The following RYR3 variants were observed in gnomAD, a reference collection of about 807,000 sequenced individuals.
The protein encoded by RYR3 is ryanodine receptor 3.
Under a neutral mutation model 584.3 loss-of-function variants are expected in RYR3, and 207 were observed. The observed-to-expected ratio is 0.35, with a 90% CI of 0.32 to 0.40. The LOEUF is 0.40. Ranked by LOEUF, RYR3 falls within the 10% of genes least tolerant of loss-of-function variation. The pLI is 1.00. For synonymous variants in RYR3, 2,416 were observed against 2,248.5 expected (o/e 1.07, Z -2.11); for missense variants, 5,616 against 6,089.2 (o/e 0.92, Z 2.59).
chr15:33,825,851 T>A, intron 82 of RYR3, 175 bp downstream of exon 82: 1 of 528,754 alleles, frequency 1.9e-6, no homozygotes, highest in South Asian at 2.2e-5. Flanking sequence ...TCCTGCCTCA[T>A]CCTCCCGAGT....
In RYR3 at chr15:33,532,171, C is replaced by G. The variant is rs77378177; in HGVS notation, c.355-1140C>G. Among the ~76,000 whole-genome samples the G allele has an allele frequency of 4.1e-3, 618 of 152,266 alleles. 4 individuals are homozygous for G. The highest frequency in any genetic ancestry group is 0.014 in the African/African-American group (595 of 41,548). ...GAACTGTGGCTTAGAAAGCACATCCCAAGAGCTTACCTGCCTCTCAGTCTA... is the reference window on the plus strand; with the variant it reads ...GAACTGTGGCTTAGAAAGCACATCCGAAGAGCTTACCTGCCTCTCAGTCTA... On this transcript the variant is annotated intron_variant, in intron 4 of 103. Coordinates refer to ENST00000634891, the MANE Select transcript of RYR3 (RefSeq NM_001036.6).
At position 33,838,916 on chromosome 15, in the gene RYR3, C is replaced by T. The variant is rs754510620; in HGVS notation, c.12936C>T (p.Pro4312=). The T allele has an allele frequency of 6.2e-7, 1 of 1,613,584 alleles. No homozygotes were observed. The highest frequency in any genetic ancestry group is 8.5e-7 in the Non-Finnish European group (1 of 1,179,776). ...CAGAAATTATTGGCAAGGATGAACC[C>T]CCTACATTAGAGAGTACTGTACAGA... The part of the protein sequence containing the change: ...DLSEIIGKDE[P]PTLESTVQKK... Residue 4312 remains proline (P), a synonymous_variant, in exon 89 of 104, where the codon CCC becomes CCT. Transcript: ENST00000634891.
intron 101 of RYR3, 114 bp from the exon 102 acceptor site, chr15:33,860,964 A>G (rs1333191481): frequency 1.2e-6 from 1 of 862,464 alleles, no homozygotes; most frequent in African/African-American, 1.7e-5. Context: ...ACTAATAGCC[A>G]AAAGCATTAG....
At chr15:33,399,140 C>T (rs995610422) in intron 1 of RYR3, among the ~76,000 whole-genome samples, 1 of 152,158 alleles carries the variant, frequency 6.6e-6, no homozygotes, top group Admixed American at 6.5e-5. Context: ...CTGGCATTAC[C>T]TTTGACAAGT....
intron 1 of RYR3, among the ~76,000 whole-genome samples, chr15:33,447,044 C>T (rs1490662912): frequency 6.6e-6 from 1 of 152,200 alleles, no homozygotes; most frequent in Non-Finnish European, 1.5e-5. Context: ...CATCTGCAGC[C>T]CTGATTAGAA....
At chr15:33,434,840 CAG>C (rs2045515296) in intron 1 of RYR3, among the ~76,000 whole-genome samples, 2 of 152,084 alleles carry the variant, frequency 1.3e-5, no homozygotes, top group Admixed American at 1.3e-4. Context: ...TGTTTTGAGA[CAG>C]AGTCTCGCTC....
chr15:33,636,385 T>C lies in RYR3; in HGVS notation c.3391T>C (p.Trp1131Arg), dbSNP rs1350203229. Reference sequence around the variant, plus strand: ...GAGTCTTGTTTTCTAGGGCCAGCGTTGGCATCAAGGAAGTGGGTATTTTGG... The same window carrying C: ...GAGTCTTGTTTTCTAGGGCCAGCGTCGGCATCAAGGAAGTGGGTATTTTGG... ...FVFEGNRGQR[W>R]HQGSGYFGRT... Residue 1131 changes from tryptophan to arginine, a missense_variant, in exon 27 of 104, where the codon TGG becomes CGG. Physicochemically the swap from Trp to Arg is moderately radical, Grantham distance 101 (BLOSUM62 -3). Coordinates refer to ENST00000634891, the MANE Select transcript of RYR3 (RefSeq NM_001036.6). The C allele has an allele frequency of 6.2e-6, 10 of 1,613,902 alleles. No homozygotes were observed. Among genetic ancestry groups the C allele is most frequent in the Non-Finnish European group, 5.1e-6 (6 of 1,179,830 alleles).
At chr15:33,480,575 A>G (rs2049865348) in intron 2 of RYR3, among the ~76,000 whole-genome samples, 1 of 152,232 alleles carries the variant, frequency 6.6e-6, no homozygotes, top group African/African-American at 2.4e-5. Context: ...TGACTTTTAA[A>G]AGTAAAATAT....
intron 5 of RYR3, among the ~76,000 whole-genome samples, chr15:33,533,892 T>C (rs1181020265): frequency 6.6e-6 from 1 of 152,188 alleles, no homozygotes; most frequent in Non-Finnish European, 1.5e-5. Context: ...ATTTACTTTA[T>C]GATTTTATTT....
chr15:33,851,364 A>ATTGCTGGCAGATAATT (rs1414683380), intron 94 of RYR3: 1 of 151,924 alleles, frequency 6.6e-6, no homozygotes, highest in Non-Finnish European at 1.5e-5. Flanking sequence ...GCTGGCACTT[A>ATTGCTGGCAGATAATT]TTGCTGGCAG....
chr15:33,855,805 G>T (rs529707825), intron 98 of RYR3: 2 of 152,282 alleles, frequency 1.3e-5, no homozygotes, highest in Non-Finnish European at 2.9e-5. Context: ...ATATATGGAA[G>T]ACTGGATATT....
At chr15:33,430,901 C>T (rs2045087027) in intron 1 of RYR3, among the ~76,000 whole-genome samples, 1 of 152,150 alleles carries the variant, frequency 6.6e-6, no homozygotes, top group Non-Finnish European at 1.5e-5. Flanking sequence ...CTGTCACTAA[C>T]TCTCCAACTG....
intron 46 of RYR3, among the ~76,000 whole-genome samples, chr15:33,727,992 A>G (rs1314510588): frequency 6.6e-6 from 1 of 152,154 alleles, no homozygotes; most frequent in Non-Finnish European, 1.5e-5. Flanking sequence ...CCTGATTTAC[A>G]TTTCACCTAA....
At chr15:33,814,774 A>T (rs2076720220) in intron 74 of RYR3, among the ~76,000 whole-genome samples, 1 of 151,880 alleles carries the variant, frequency 6.6e-6, no homozygotes, top group African/African-American at 2.4e-5. Context: ...GGTGACATGC[A>T]CCTGTAATCC....
chr15:33,695,806 GAC>G (rs2065806719), intron 38 of RYR3, among the ~76,000 whole-genome samples: 1 of 150,652 alleles, frequency 6.6e-6, no homozygotes, highest in African/African-American at 2.4e-5. Context: ...TTTTTTTTGA[GAC>G]AGAGTCTCAC....
At chr15:33,818,794 G>C (rs1320670336) in intron 76 of RYR3, 110 bp downstream of exon 76, 10 of 753,942 alleles carry the variant, frequency 1.3e-5, no homozygotes, top group Non-Finnish European at 1.8e-5. Flanking sequence ...CTAGATTTGA[G>C]CAGCCCTCCT....
intron 63 of RYR3, 77 bp from the exon 64 acceptor site, chr15:33,773,457 A>AT (rs3086242): frequency 0.21 from 185,136 of 895,054 alleles, 9,993 homozygotes; most frequent in African/African-American, 0.24. Context: ...ATGCTCATGC[A>AT]TTTTTTTTTT....
chr15:33,435,304 CTG>C lies in RYR3; in HGVS notation c.52-38113_52-38112del, dbSNP rs574797924. On this transcript the variant is annotated intron_variant, in intron 1 of 103. Transcript: ENST00000634891. ...TTTTTATATAGATGTGTCATACTCTCTGTATTTTTCTGGAACTACTTTTGTTA... is the reference window on the plus strand; with the variant it reads ...TTTTTATATAGATGTGTCATACTCTCTATTTTTCTGGAACTACTTTTGTTA... 1.5e-4 allele frequency among the ~76,000 whole-genome samples: 23 copies of C among 151,616 alleles called. No individual in the cohort carries two copies. The South Asian group carries it at 2.1e-3, about 14-fold the overall frequency.
chr15:33,467,884 T>C (rs2048612341), intron 1 of RYR3, among the ~76,000 whole-genome samples: 1 of 152,222 alleles, frequency 6.6e-6, no homozygotes, highest in Non-Finnish European at 1.5e-5. Flanking sequence ...CTGCTCTCTT[T>C]GGCCTTGTGC....
Sources: allele counts gnomAD v4.1 joint callset (sites outside exome capture counted in the v4.1 genomes callset), GRCh38; gene constraint gnomAD v4.1.1; transcripts MANE v1.5; gene names NCBI Gene and HGNC (gene_info 2026-07-23, HGNC 2026-07-21).